Variants in PCDHGA1 observed in about 807,000 individuals in gnomAD.
PCDHGA1 encodes the protein protocadherin gamma subfamily A, 1.
A neutral mutation model predicts 58.0 loss-of-function variants in PCDHGA1; 32 were observed. The observed-to-expected ratio is 0.55, with a 90% confidence interval of 0.42 to 0.74. The LOEUF (loss-of-function observed/expected upper bound fraction) is 0.74. PCDHGA1 is among the 30% of genes least tolerant of loss of function. The pLI is 0.00. For synonymous variants in PCDHGA1, 498 were observed against 501.1 expected (o/e 0.99, Z 0.08); for missense variants, 1,205 against 1,182.3 (o/e 1.02, Z -0.28).
intron 1 of PCDHGA1, chr5:141,362,191 G>C: frequency 6.2e-7 from 1 of 1,614,010 alleles, no homozygotes; most frequent in Non-Finnish European, 8.5e-7. Flanking sequence ...TGACCCCCAG[G>C]CAAAACTGCA....
At chr5:141,403,838 GA>G (rs751575888) in intron 1 of PCDHGA1, 1 of 1,613,592 alleles carries the variant, frequency 6.2e-7, no homozygotes, top group African/African-American at 1.3e-5. Context: ...CCAGCTTAAT[GA>G]AAATACTGGG....
intron 1 of PCDHGA1, chr5:141,371,927 C>T (rs750914672): frequency 1.9e-6 from 3 of 1,613,208 alleles, no homozygotes. Context: ...GCGCGCGGAG[C>T]GGGGTGGTGT....
intron 1 of PCDHGA1, among the ~76,000 whole-genome samples, chr5:141,469,600 T>C (rs1276702104): frequency 6.6e-6 from 1 of 151,974 alleles, no homozygotes; most frequent in Non-Finnish European, 1.5e-5. Flanking sequence ...TAAAACAAAA[T>C]AAGTAAAATA....
chr5:141,419,322 C>T lies in PCDHGA1; in HGVS notation c.2422-75485C>T, dbSNP rs370480327. The stretch of plus-strand genomic sequence containing the variant: ...GACTTCGGGCTCAACGGCCGTGTCT[C>T]CTACTCTCTCATTGCCAGCGACCTG... On this transcript the variant is annotated intron_variant, in intron 1 of 3. Transcript: ENST00000517417. 164 of 1,613,852 alleles carry T rather than the reference C, an allele frequency of 1.0e-4. No individual in the cohort carries two copies. Among genetic ancestry groups the T allele is most frequent in the Non-Finnish European group, 1.3e-4 (153 of 1,179,898 alleles).
In PCDHGA1 at chr5:141,477,595, T is replaced by C. The variant is rs1289890776; in HGVS notation, c.2422-17212T>C. The C allele has an allele frequency of 6.2e-7, 1 of 1,614,176 alleles. No individual in the cohort carries two copies. Among genetic ancestry groups the C allele is most frequent in the Non-Finnish European group, 8.5e-7 (1 of 1,180,032 alleles). ...ACGCCCCGCAGAATGCTCGGCTTTC[T>C]TTCTTTCTCTTGGAGCAAGGAGCTG... On this transcript the variant is annotated intron_variant, in intron 1 of 3. Coordinates refer to ENST00000517417, the MANE Select transcript of PCDHGA1 (RefSeq NM_018912.3). This position sits in a 1 kb window ranked among gnomAD's most constrained non-coding sequence, Gnocchi z 4.9.
intron 1 of PCDHGA1, chr5:141,360,518 A>T (rs764837535): frequency 3.1e-6 from 5 of 1,613,996 alleles, no homozygotes; most frequent in Non-Finnish European, 4.2e-6. Flanking sequence ...GATATAAATG[A>T]TAATACCCCG....
intron 1 of PCDHGA1, chr5:141,428,419 C>G: frequency 4.4e-6 from 2 of 451,920 alleles, no homozygotes; most frequent in Non-Finnish European, 4.1e-6. Flanking sequence ...TCACCCTGGT[C>G]TCTGTTCTAA....
Position 141,426,915 on chromosome 5 carries a change from G to A in PCDHGA1, c.2422-67892G>A, listed in dbSNP as rs143411146. On this transcript the variant is annotated intron_variant, in intron 1 of 3. Coordinates refer to ENST00000517417, the MANE Select transcript of PCDHGA1 (RefSeq NM_018912.3). ...ACAGAGCTCTCATCTCCTGGTCCTG[G>A]AAGCAATGGACATGGGTGACCCAGT... 1,737 of 456,738 alleles carry A rather than the reference G, an allele frequency of 3.8e-3. 17 individuals carry two copies. Among genetic ancestry groups the A allele is most frequent in the Admixed American group, 0.01 (426 of 42,586 alleles). The allele number at this position is 456,738 out of a possible 1,614,324, so 28.3% of individuals were successfully genotyped here.
Position 141,431,615 on chromosome 5 carries a change from G to A in PCDHGA1, c.2422-63192G>A. 1.2e-6 allele frequency: 2 copies of A among 1,614,236 alleles called. No homozygotes were observed. Among genetic ancestry groups the A allele is most frequent in the Non-Finnish European group, 1.7e-6 (2 of 1,180,042 alleles). ...GAGGTATTCCTTCCGGTATGTGGACGACAAGGCGGCCCAAGTTTTCAAACT... is the reference window on the plus strand; with the variant it reads ...GAGGTATTCCTTCCGGTATGTGGACAACAAGGCGGCCCAAGTTTTCAAACT... On this transcript the variant is annotated intron_variant, in intron 1 of 3. Coordinates refer to ENST00000517417, the MANE Select transcript of PCDHGA1 (RefSeq NM_018912.3). The surrounding 1 kb of genome is among the most constrained non-coding windows in gnomAD (Gnocchi z 4.8).
At chr5:141,362,441 A>G (rs761899854) in intron 1 of PCDHGA1, 1 of 1,614,052 alleles carries the variant, frequency 6.2e-7, no homozygotes, top group South Asian at 1.1e-5. Flanking sequence ...AATTTTCTGA[A>G]CATAACCCCG....
At chr5:141,365,887 C>T in intron 1 of PCDHGA1, 1 of 1,614,160 alleles carries the variant, frequency 6.2e-7, no homozygotes, top group Middle Eastern at 1.6e-4. Flanking sequence ...CTCTGAGATC[C>T]TTCGACTATG....
chr5:141,453,022 T>C (rs1222692572), intron 1 of PCDHGA1, among the ~76,000 whole-genome samples: 1 of 152,230 alleles, frequency 6.6e-6, no homozygotes, highest in Non-Finnish European at 1.5e-5. Flanking sequence ...ATGTGATTCA[T>C]TAAAATAAAG....
intron 1 of PCDHGA1, chr5:141,395,097 G>C (rs376460647): frequency 1.9e-6 from 3 of 1,614,158 alleles, no homozygotes; most frequent in Non-Finnish European, 2.5e-6. Flanking sequence ...CCTCACCGCC[G>C]ACTCGCGGAA....
chr5:141,495,005 C>A, intron 2 of PCDHGA1, 140 bp downstream of exon 2: 1 of 1,522,810 alleles, frequency 6.6e-7, no homozygotes. Context: ...TCTTGGTGTG[C>A]GGGGGGCTGG....
At chr5:141,342,176 C>T (rs1323667344) in intron 1 of PCDHGA1, 3 of 151,858 alleles carry the variant, frequency 2.0e-5, no homozygotes, top group African/African-American at 7.3e-5. Flanking sequence ...AATATATATC[C>T]TCAATATAGT....
intron 1 of PCDHGA1, among the ~76,000 whole-genome samples, chr5:141,482,056 G>A (rs1271837619): frequency 1.3e-5 from 2 of 149,012 alleles, no homozygotes; most frequent in Non-Finnish European, 3.0e-5. Context: ...TTGCATTCCA[G>A]CCTGGGCAAC....
At chr5:141,335,761 T>C (rs1444590979) in intron 1 of PCDHGA1, among the ~76,000 whole-genome samples, 1 of 152,180 alleles carries the variant, frequency 6.6e-6, no homozygotes, top group Non-Finnish European at 1.5e-5. Context: ...ACCAATAATA[T>C]ACTTGCCTTA....
chr5:141,330,572 C>G lies in PCDHGA1; in HGVS notation c.-113C>G. 1 of 1,168,116 alleles carries G rather than the reference C, an allele frequency of 8.6e-7. No homozygotes were observed. The highest frequency in any genetic ancestry group is 2.8e-4 in the Middle Eastern group (1 of 3,632). The allele number at this position is 1,168,116 out of a possible 1,614,324, so 72.4% of individuals were successfully genotyped here. ...GTCCAAGACTGCCTAAATCCTACTT[C>G]TGGATGACTCTCCAGTCAGAATTCT... On this transcript the variant is annotated 5_prime_UTR_variant, in exon 1 of 4. Coordinates refer to ENST00000517417, the MANE Select transcript of PCDHGA1 (RefSeq NM_018912.3).
chr5:141,331,655 G>T lies in PCDHGA1; in HGVS notation c.971G>T (p.Gly324Val). The T allele has an allele frequency of 8.7e-6, 14 of 1,614,090 alleles. No individual in the cohort carries two copies. The highest frequency in any genetic ancestry group is 1.2e-5 in the Non-Finnish European group (14 of 1,180,018). ...TCAATGGAAGTTCAAGCCCAGGATG[G>T]TGCGGGGCTCATGGCTAAAGTTAAG... is the stretch of plus-strand genomic sequence containing the variant. The part of the protein sequence containing the change: ...MYSMEVQAQD[G>V]AGLMAKVKVL... Residue 324 changes from glycine (G) to valine (V), a missense_variant, in exon 1 of 4, where the codon GGT (glycine) becomes GTT (valine). Gly to Val is a moderately radical substitution (Grantham distance 109). Transcript: ENST00000517417.
Sources: allele counts gnomAD v4.1 joint callset (sites outside exome capture counted in the v4.1 genomes callset), GRCh38; gene constraint gnomAD v4.1.1; non-coding constraint Gnocchi (gnomAD v3.1); transcripts MANE v1.5; gene names NCBI Gene and HGNC (gene_info 2026-07-23, HGNC 2026-07-21).